The following HERPUD2 variants were observed in gnomAD, a reference collection of about 807,000 sequenced individuals.
The protein encoded by HERPUD2 is homocysteine-responsive endoplasmic reticulum-resident ubiquitin-like domain member 2 protein.
HERPUD2 carries 13 observed loss-of-function variants against 49.9 expected under a neutral mutation model. That is an observed-to-expected ratio of 0.26 (90% CI 0.17 to 0.41). The LOEUF (loss-of-function observed/expected upper bound fraction) is 0.41, where lower values mean the gene tolerates loss of function less well. HERPUD2 is among the 10% of genes least tolerant of loss of function. The pLI, the probability that HERPUD2 is intolerant of heterozygous loss-of-function variation, is 1.00. For synonymous variants in HERPUD2, 172 were observed against 171.4 expected (o/e 1.00, Z -0.03); for missense variants, 449 against 492.2 (o/e 0.91, Z 0.83).
At chr7:35,685,988 ATAACT>A (rs1032381455) in intron 2 of HERPUD2, among the ~76,000 whole-genome samples, 5 of 150,012 alleles carry the variant, frequency 3.3e-5, no homozygotes, top group Admixed American at 1.3e-4. Flanking sequence ...AAATAAATAA[ATAACT>A]TAAATATCAG....
chr7:35,690,152 T>A (rs1461501851), intron 2 of HERPUD2, among the ~76,000 whole-genome samples: 2 of 152,230 alleles, frequency 1.3e-5, no homozygotes, highest in Non-Finnish European at 2.9e-5. Context: ...TATTTCACAG[T>A]GCAGCCCAAT....
rs1784820673 is a variant in HERPUD2 at position 35,633,582 on chromosome 7, C to CT, written c.*107dup. 2.2e-6 allele frequency: 2 copies of CT among 911,996 alleles called. No individual in the cohort carries two copies. The highest frequency in any genetic ancestry group is 3.3e-6 in the Non-Finnish European group (2 of 613,188). The allele number at this position is 911,996 out of a possible 1,614,324, so 56.5% of individuals were successfully genotyped here. ...AGAAGCCTAAAGAAAAAAAACACCT[C>CT]TGTACATGATGATCAAAAGAAAGTT... is the stretch of plus-strand genomic sequence containing the variant. On this transcript the variant is annotated 3_prime_UTR_variant, in exon 9 of 9. Coordinates refer to ENST00000311350, the MANE Select transcript of HERPUD2 (RefSeq NM_022373.5).
chr7:35,685,716 G>A (rs780111996), intron 2 of HERPUD2, among the ~76,000 whole-genome samples: 13 of 151,844 alleles, frequency 8.6e-5, no homozygotes, highest in African/African-American at 1.2e-4. Context: ...AGTGGTTCAC[G>A]CCTGTAATCC....
intron 5 of HERPUD2, among the ~76,000 whole-genome samples, chr7:35,649,587 A>G (rs1345298398): frequency 6.6e-6 from 1 of 152,188 alleles, no homozygotes; most frequent in Non-Finnish European, 1.5e-5. Context: ...GGACATCAAA[A>G]AGATGTGAAA....
chr7:35,673,137 T>G (rs1327669328), intron 3 of HERPUD2, 64 bp downstream of exon 3: 5 of 1,260,842 alleles, frequency 4.0e-6, no homozygotes, highest in Non-Finnish European at 4.6e-6. Flanking sequence ...GAATAAAATT[T>G]CAGAACATAT....
In HERPUD2 at chr7:35,638,255, A is replaced by G. The variant is rs1014810679; in HGVS notation, c.617+95T>C. The stretch of plus-strand genomic sequence containing the variant: ...AGTCAAAACAACATTAAATACATAA[A>G]CAAATGAAATGCCAAATCAACTTAC... On this transcript the variant is annotated intron_variant, in intron 6 of 8. Transcript: ENST00000311350. The G allele has an allele frequency of 6.4e-6, 8 of 1,248,586 alleles. No homozygotes were observed. In the African/African-American group the frequency reaches 1.0e-4, roughly 16 times the overall value. The allele number at this position is 1,248,586 out of a possible 1,614,324, so 77.3% of individuals were successfully genotyped here.
intron 3 of HERPUD2, among the ~76,000 whole-genome samples, chr7:35,672,256 T>TA (rs1243261170): frequency 2.1e-5 from 3 of 142,780 alleles, no homozygotes; most frequent in African/African-American, 8.0e-5. Flanking sequence ...AAAACAGCTC[T>TA]AAAAAATTGT....
At position 35,633,048 on chromosome 7, in the gene HERPUD2, C is replaced by T. The variant is rs1784804069; in HGVS notation, c.*642G>A. 1 of 151,466 alleles carries T rather than the reference C, an allele frequency of 6.6e-6. No individual in the cohort carries two copies. The highest frequency in any genetic ancestry group is 2.1e-4 in the South Asian group (1 of 4,798). The allele number at this position is 151,466 out of a possible 1,614,324, so 9.4% of individuals were successfully genotyped here. Reference sequence around the variant, plus strand: ...AAAGGGCCAGGCTACTAGCTATAGACATTTATATGTGAAGCAGCTCTTTTT... The same window carrying T: ...AAAGGGCCAGGCTACTAGCTATAGATATTTATATGTGAAGCAGCTCTTTTT... On this transcript the variant is annotated 3_prime_UTR_variant, in exon 9 of 9. Coordinates refer to ENST00000311350, the MANE Select transcript of HERPUD2 (RefSeq NM_022373.5).
chr7:35,644,636 G>A (rs1785020939), intron 5 of HERPUD2, among the ~76,000 whole-genome samples: 1 of 151,936 alleles, frequency 6.6e-6, no homozygotes, highest in African/African-American at 2.4e-5. Flanking sequence ...GTGTGGAGAC[G>A]TGTGCCTATA....
At chr7:35,637,325 G>A (rs1328873965) in intron 6 of HERPUD2, among the ~76,000 whole-genome samples, 1 of 152,142 alleles carries the variant, frequency 6.6e-6, no homozygotes, top group African/African-American at 2.4e-5. Context: ...ATTGGAGGTA[G>A]CATATGGGGA....
Position 35,633,509 on chromosome 7 carries a change from ACT to A in HERPUD2, c.*179_*180del. ...GGATCTTTAAAAAAAAAAAAAAAAA[ACT>A]CAGATATTTAGTAGTCCATTCGTGC... On this transcript the variant is annotated 3_prime_UTR_variant, in exon 9 of 9. Transcript: ENST00000311350. The A allele has an allele frequency of 4.4e-6, 2 of 452,160 alleles. No homozygotes were observed. The highest frequency in any genetic ancestry group is 7.7e-6 in the Non-Finnish European group (2 of 258,240). 28.0% of individuals were successfully genotyped at this position (452,160 alleles called of 1,614,324 possible). A position where few individuals can be genotyped will look rare whatever the true frequency, so the allele number is the denominator to read the frequency against.
chr7:35,694,227 C>T lies in HERPUD2; in HGVS notation c.104G>A (p.Gly35Glu), dbSNP rs766157899. The change falls in exon 2 of 9, where the codon GGG (glycine) becomes GAG (glutamate). Residue 35 changes from glycine to glutamate, a missense_variant. Physicochemically the swap from Gly to Glu is moderately conservative, Grantham distance 98 (BLOSUM62 -2). Coordinates refer to ENST00000311350, the MANE Select transcript of HERPUD2 (RefSeq NM_022373.5). Reference protein sequence around the residue: ...TISCFLNWTVGKLKTHLSNVY... With the variant: ...TISCFLNWTVEKLKTHLSNVY... ...GTTAGATAGATGCGTTTTTAGTTTC[C>T]CCACGGTCCAGTTCAAGAAGCAGCT... is the stretch of plus-strand genomic sequence containing the variant. 2 of 1,614,030 alleles carry T rather than the reference C, an allele frequency of 1.2e-6. No individual in the cohort carries two copies. Among genetic ancestry groups the T allele is most frequent in the Non-Finnish European group, 1.7e-6 (2 of 1,179,998 alleles).
intron 5 of HERPUD2, among the ~76,000 whole-genome samples, chr7:35,656,978 T>C (rs1049862081): frequency 6.6e-6 from 1 of 151,920 alleles, no homozygotes; most frequent in Non-Finnish European, 1.5e-5. Flanking sequence ...CTAAGACATC[T>C]AGAACACAGA....
chr7:35,634,594 C>T (rs543451476), intron 7 of HERPUD2, among the ~76,000 whole-genome samples, 165 bp from the exon 8 acceptor site: 15 of 152,232 alleles, frequency 9.9e-5, no homozygotes, highest in South Asian at 4.1e-4. Context: ...TTCAAAGCAA[C>T]GACAGCAAAA....
At chr7:35,643,130 G>A (rs1484628275) in intron 5 of HERPUD2, among the ~76,000 whole-genome samples, 1 of 152,132 alleles carries the variant, frequency 6.6e-6, no homozygotes, top group African/African-American at 2.4e-5. Flanking sequence ...GAGAGAAACT[G>A]GAGACAGGGA....
In HERPUD2 at chr7:35,694,090, A is replaced by G. The variant is rs971994844; in HGVS notation, c.147+94T>C. ...CGGTCTACCAAAAGAGACCTATTTGATTCAAGACTGGAGGGGAGAAGCAGG... is the reference window on the plus strand; with the variant it reads ...CGGTCTACCAAAAGAGACCTATTTGGTTCAAGACTGGAGGGGAGAAGCAGG... On this transcript the variant is annotated intron_variant, in intron 2 of 8. Coordinates refer to ENST00000311350, the MANE Select transcript of HERPUD2 (RefSeq NM_022373.5). 51 of 1,356,074 alleles carry G rather than the reference A, an allele frequency of 3.8e-5. No individual in the cohort carries two copies. The Middle Eastern group carries it at 6.0e-4, about 16-fold the overall frequency. The allele number at this position is 1,356,074 out of a possible 1,614,324, so 84.0% of individuals were successfully genotyped here.
intron 3 of HERPUD2, among the ~76,000 whole-genome samples, chr7:35,672,347 T>C (rs1363442749): frequency 6.6e-6 from 1 of 151,498 alleles, no homozygotes; most frequent in Non-Finnish European, 1.5e-5. Flanking sequence ...TATTACACCA[T>C]GTTAGCAATT....
intron 5 of HERPUD2, among the ~76,000 whole-genome samples, chr7:35,657,016 A>T (rs1309504370): frequency 6.6e-6 from 1 of 152,226 alleles, no homozygotes; most frequent in Non-Finnish European, 1.5e-5. Flanking sequence ...GACAAATGAG[A>T]CTATATTAAA....
chr7:35,654,716 C>T (rs1785237666), intron 5 of HERPUD2, among the ~76,000 whole-genome samples: 2 of 150,292 alleles, frequency 1.3e-5, no homozygotes, highest in Non-Finnish European at 3.0e-5. Context: ...TGCTCTGTTG[C>T]CCAGGCTGGA....
Sources: gnomAD v4.1 joint callset for allele counts (sites outside exome capture counted in the v4.1 genomes callset) on GRCh38, gnomAD v4.1.1 for gene constraint, MANE v1.5 for transcripts, NCBI Gene and HGNC (gene_info 2026-07-23, HGNC 2026-07-21) for gene names.